Variants in PDCD6IP observed in about 807,000 individuals in gnomAD.
PDCD6IP encodes programmed cell death 6-interacting protein.
PDCD6IP carries 43 observed loss-of-function variants against 103.7 expected under a neutral mutation model. The ratio of observed to expected loss-of-function variants is 0.41; its 90% CI spans 0.32 to 0.53. PDCD6IP has a LOEUF of 0.53. Among genes scored for constraint, PDCD6IP ranks in the 20% least tolerant of loss-of-function variants. PDCD6IP has a pLI of 0.16. For synonymous variants in PDCD6IP, 354 were observed against 378.7 expected (o/e 0.93, Z 0.76); for missense variants, 871 against 1,036.7 (o/e 0.84, Z 2.20).
At chr3:33,807,036 G>A (rs189064335) in intron 1 of PDCD6IP, among the ~76,000 whole-genome samples, 100 of 152,198 alleles carry the variant, frequency 6.6e-4, no homozygotes, top group African/African-American at 2.1e-3. Context: ...TTTACTTTGA[G>A]GGTTTCATCA....
At chr3:33,824,294 G>A (rs982810553) in intron 4 of PDCD6IP, among the ~76,000 whole-genome samples, 3 of 143,138 alleles carry the variant, frequency 2.1e-5, no homozygotes, top group African/African-American at 7.8e-5. Context: ...GTCTCGCTCT[G>A]TTGCCCAGGC....
At chr3:33,814,600 A>ATGTATTATATATGCACATATAATG (rs1553705558) in intron 3 of PDCD6IP, among the ~76,000 whole-genome samples, 2,953 of 145,628 alleles carry the variant, frequency 0.02, 97 homozygotes, top group African/African-American at 0.069. Flanking sequence ...ATATGTATAT[A>ATGTATTATATATGCACATATAATG]TGTATTATAT....
At chr3:33,814,747 A>G (rs1034336746) in intron 3 of PDCD6IP, among the ~76,000 whole-genome samples, 8 of 145,722 alleles carry the variant, frequency 5.5e-5, no homozygotes, top group Non-Finnish European at 1.0e-4. Context: ...ACATATATGT[A>G]TATATACTTA....
At chr3:33,829,117 A>G (rs374508469) in intron 7 of PDCD6IP, 148 bp downstream of exon 7, 2 of 464,488 alleles carry the variant, frequency 4.3e-6, no homozygotes, top group South Asian at 7.8e-5. Flanking sequence ...TTTAGACTTT[A>G]CTGCATGTTT....
chr3:33,808,111 A>G (rs1215855863), intron 1 of PDCD6IP, among the ~76,000 whole-genome samples: 1 of 152,244 alleles, frequency 6.6e-6, no homozygotes, highest in Non-Finnish European at 1.5e-5. Context: ...GAGCAAATAG[A>G]TCTAGTCTTT....
intron 1 of PDCD6IP, chr3:33,799,231 A>G: frequency 2.7e-6 from 1 of 366,540 alleles, no homozygotes; most frequent in African/African-American, 2.1e-5. Flanking sequence ...CTCTTTTGCC[A>G]CATTTACTTA....
chr3:33,813,959 G>A (rs944931031), intron 3 of PDCD6IP, among the ~76,000 whole-genome samples: 2 of 152,144 alleles, frequency 1.3e-5, no homozygotes, highest in Admixed American at 1.3e-4. Context: ...CCTTTTGAAA[G>A]CAGACAATGT....
chr3:33,821,746 C>T (rs1055372797), intron 3 of PDCD6IP, among the ~76,000 whole-genome samples: 1 of 152,058 alleles, frequency 6.6e-6, no homozygotes, highest in African/African-American at 2.4e-5. Flanking sequence ...TGTTCTTCAG[C>T]GTTTTGGGTG....
At chr3:33,864,153 AAACAGAG>A in intron 16 of PDCD6IP, 24 bp downstream of exon 16, 1 of 1,316,384 alleles carries the variant, frequency 7.6e-7, no homozygotes. Context: ...TAAATATTTT[AAACAGAG>A]GTTTTACATT....
rs1698067958 is a variant in PDCD6IP at position 33,866,465 on chromosome 3, C to T, written c.2547C>T (p.Pro849=). The T allele has an allele frequency of 6.2e-6, 10 of 1,612,200 alleles. No individual in the cohort carries two copies. Among genetic ancestry groups the T allele is most frequent in the African/African-American group, 1.3e-5 (1 of 74,954 alleles). The change falls in exon 18 of 18, where the codon CCC becomes CCT. Residue 849 remains proline (P), a synonymous_variant. Coordinates refer to ENST00000307296, the MANE Select transcript of PDCD6IP (RefSeq NM_013374.6). The part of the protein sequence containing the change: ...QSPGQAPYPG[P]QQPSYPFPQP... ...CTGGACAGGCTCCATACCCGGGACC[C>T]CAGCAGCCTTCATACCCCTTCCCTC...
At position 33,851,712 on chromosome 3, in the gene PDCD6IP, A is replaced by G. The variant is rs557929125; in HGVS notation, c.1642-776A>G. On this transcript the variant is annotated intron_variant, in intron 12 of 17. Coordinates refer to ENST00000307296, the MANE Select transcript of PDCD6IP (RefSeq NM_013374.6). ...GATCTCGAACTCCTAGGCTTAGGTG[A>G]TCCTCCTGAAGTGCTGGGATTGCAG... 2.0e-5 allele frequency among the ~76,000 whole-genome samples: 3 copies of G among 151,884 alleles called. No individual in the cohort carries two copies. In the East Asian group the frequency reaches 5.8e-4, roughly 29 times the overall value.
intron 3 of PDCD6IP, among the ~76,000 whole-genome samples, chr3:33,814,904 A>G (rs571959631): frequency 1.0e-3 from 148 of 146,348 alleles, no homozygotes; most frequent in Non-Finnish European, 1.6e-3. Flanking sequence ...ACACATATAC[A>G]TATATGTATA....
intron 7 of PDCD6IP, 61 bp downstream of exon 7, chr3:33,829,030 T>G: frequency 1.4e-6 from 2 of 1,385,534 alleles, no homozygotes; most frequent in Non-Finnish European, 1.9e-6. Context: ...TTTTTCCTAG[T>G]GAGATTTCCA....
intron 10 of PDCD6IP, among the ~76,000 whole-genome samples, chr3:33,843,178 T>A (rs1697514362): frequency 6.6e-6 from 1 of 152,184 alleles, no homozygotes; most frequent in Non-Finnish European, 1.5e-5. Flanking sequence ...AGAGCCAAGG[T>A]CCAGACAGGC....
rs541337903 is a variant in PDCD6IP at position 33,869,355 on chromosome 3, G to A, written c.*2830G>A. The stretch of plus-strand genomic sequence containing the variant: ...GTTTGCAATTATTAGTTGATTCACA[G>A]TACAGAACAAGGTATAAAGGAAAAA... On this transcript the variant is annotated 3_prime_UTR_variant, in exon 18 of 18. Transcript: ENST00000307296. 1.8e-4 allele frequency: 28 copies of A among 152,220 alleles called. No homozygotes were observed. Among genetic ancestry groups the A allele is most frequent in the African/African-American group, 6.7e-4 (28 of 41,522 alleles). The allele number at this position is 152,220 out of a possible 1,614,324, so 9.4% of individuals were successfully genotyped here.
At chr3:33,823,598 A>G (rs929094991) in intron 4 of PDCD6IP, among the ~76,000 whole-genome samples, 1 of 152,168 alleles carries the variant, frequency 6.6e-6, no homozygotes, top group African/African-American at 2.4e-5. Context: ...CCTGGCCAAC[A>G]TGGTGAAACC....
Position 33,865,343 on chromosome 3 carries a change from CT to C in PDCD6IP, c.2346del (p.Ala783ArgfsTer95), listed in dbSNP as rs1158574875. 6.2e-7 allele frequency: 1 copy of C among 1,601,000 alleles called. No individual in the cohort carries two copies. Among genetic ancestry groups the C allele is most frequent in the Non-Finnish European group, 8.5e-7 (1 of 1,174,300 alleles). On this transcript the variant is annotated frameshift_variant, in exon 17 of 18. Coordinates refer to ENST00000307296, the MANE Select transcript of PDCD6IP (RefSeq NM_013374.6). LOFTEE classifies it high-confidence loss of function. ...CCATCTCCAGTGGGGGCTGGGACTG[CT>C]GCGCCAGCTCCATCACAAACGCCTG... ...TAPSPVGAGTAAPAPSQTPGS... is the reference protein window; with the variant it reads ...TAPSPVGAGTXAPAPSQTPGS...
intron 1 of PDCD6IP, among the ~76,000 whole-genome samples, chr3:33,806,978 C>T (rs931079356): frequency 2.0e-5 from 3 of 152,130 alleles, no homozygotes; most frequent in African/African-American, 7.2e-5. Context: ...GATTGCCCTC[C>T]TGTTGTACTT....
At chr3:33,851,164 A>G (rs1361378307) in intron 12 of PDCD6IP, among the ~76,000 whole-genome samples, 1 of 152,096 alleles carries the variant, frequency 6.6e-6, no homozygotes, top group Non-Finnish European at 1.5e-5. Flanking sequence ...AGGGGAATCC[A>G]TGGGAATTGG....
Sources: gnomAD v4.1 joint callset for allele counts (sites outside exome capture counted in the v4.1 genomes callset) on GRCh38, gnomAD v4.1.1 for gene constraint, MANE v1.5 for transcripts, NCBI Gene and HGNC (gene_info 2026-07-23, HGNC 2026-07-21) for gene names.